MCOLN2: variants seen among roughly 807,000 people sequenced by gnomAD.
MCOLN2 encodes the protein mucolipin-2.
A neutral mutation model predicts 67.5 loss-of-function variants in MCOLN2; 57 were observed. That is an observed-to-expected ratio of 0.84 (90% CI 0.68 to 1.05). The LOEUF (loss-of-function observed/expected upper bound fraction) is 1.05. Among genes scored for constraint, MCOLN2 ranks in the 50% least tolerant of loss-of-function variants. The pLI is 0.00. For synonymous variants in MCOLN2, 246 were observed against 233.3 expected, an observed-to-expected ratio of 1.05 and a Z score of -0.50; for missense variants, 620 against 678.8, an observed-to-expected ratio of 0.91 and a Z score of 0.96.
chr1:84,956,846 C>T (rs1026589973), intron 3 of MCOLN2, among the ~76,000 whole-genome samples: 2 of 152,202 alleles, frequency 1.3e-5, no homozygotes, highest in Non-Finnish European at 2.9e-5. Flanking sequence ...ATCTCTAGGA[C>T]CTCATCTACT....
At chr1:84,961,334 A>T (rs552891553) in intron 2 of MCOLN2, among the ~76,000 whole-genome samples, 15 of 151,758 alleles carry the variant, frequency 9.9e-5, no homozygotes, top group African/African-American at 3.4e-4. Context: ...CTAAAGAAAT[A>T]AAAAAAAATG....
rs935536082 is a variant in MCOLN2, at chr1:84,931,374, A to G, written c.1530T>C (p.Tyr510=). Residue 510 remains tyrosine, a synonymous_variant, in exon 12 of 14, where the codon TAT becomes TAC. Transcript: ENST00000370608. The part of the protein sequence containing the change: ...SLFIALITDS[Y]DTIKKFQQNG... Reference sequence around the variant, plus strand: ...GATAATTACTTACCTTAATGGTGTCATAAGAATCTGTAATAAGTGCAATAA... The same window carrying G: ...GATAATTACTTACCTTAATGGTGTCGTAAGAATCTGTAATAAGTGCAATAA... 20 of 1,561,400 alleles carry G rather than the reference A, an allele frequency of 1.3e-5. No homozygotes were observed. The highest frequency in any genetic ancestry group is 1.7e-5 in the Non-Finnish European group (19 of 1,132,930).
At chr1:84,953,303 G>T (rs572670580) in intron 4 of MCOLN2, among the ~76,000 whole-genome samples, 1 of 152,058 alleles carries the variant, frequency 6.6e-6, no homozygotes, top group African/African-American at 2.4e-5. Context: ...TGTAATCCCC[G>T]CTCTTTAGGA....
In MCOLN2 at chr1:84,947,121, G is replaced by A; in HGVS notation, c.759C>T (p.Asp253=). ...TGATTTTGCCACTGTGAGCTTTATT[G>A]TCAAAGATAATCTGGAGACACAAAT... ...CYVFQNTIIF[D]NKAHSGKIKI... Residue 253 remains aspartate, a synonymous_variant, in exon 7 of 14, where the codon GAC becomes GAT. Transcript: ENST00000370608. 1 of 1,553,642 alleles carries A rather than the reference G, an allele frequency of 6.4e-7. No homozygotes were observed. The highest frequency in any genetic ancestry group is 8.9e-7 in the Non-Finnish European group (1 of 1,126,238).
At chr1:84,972,739 A>G (rs1236538272) in intron 1 of MCOLN2, among the ~76,000 whole-genome samples, 3 of 152,244 alleles carry the variant, frequency 2.0e-5, no homozygotes, top group Admixed American at 6.5e-5. Flanking sequence ...CAGCTTTATC[A>G]AAACAATGAC....
intron 1 of MCOLN2, among the ~76,000 whole-genome samples, chr1:84,966,869 A>G (rs1649407696): frequency 6.6e-6 from 1 of 152,136 alleles, no homozygotes; most frequent in Non-Finnish European, 1.5e-5. Context: ...TAGTATTTCT[A>G]TTTTATTATT....
intron 1 of MCOLN2, among the ~76,000 whole-genome samples, chr1:84,975,050 T>C (rs1334405475): frequency 6.6e-6 from 1 of 152,118 alleles, no homozygotes; most frequent in African/African-American, 2.4e-5. Flanking sequence ...CTTCTAAGGT[T>C]TTTTATTGTA....
intron 2 of MCOLN2, among the ~76,000 whole-genome samples, 183 bp from the exon 3 acceptor site, chr1:84,958,885 A>T (rs1648934581): frequency 6.6e-6 from 1 of 152,202 alleles, no homozygotes. Context: ...TCATCAAGCT[A>T]CATCAGCAAT....
intron 9 of MCOLN2, among the ~76,000 whole-genome samples, 188 bp downstream of exon 9, chr1:84,939,365 C>T (rs1309345930): frequency 1.3e-5 from 2 of 152,144 alleles, no homozygotes; most frequent in East Asian, 1.9e-4. Context: ...TGCCAAGTTT[C>T]GTTCCATGGA....
intron 9 of MCOLN2, 38 bp downstream of exon 9, chr1:84,939,515 A>G: frequency 6.2e-7 from 1 of 1,602,530 alleles, no homozygotes; most frequent in Non-Finnish European, 8.5e-7. Flanking sequence ...CATCCAGGAG[A>G]AGATGAAGAA....
chr1:84,973,955 C>T (rs1350368727), intron 1 of MCOLN2, among the ~76,000 whole-genome samples: 5 of 152,188 alleles, frequency 3.3e-5, no homozygotes, highest in Non-Finnish European at 5.9e-5. Context: ...CAGCAGTGGC[C>T]ACCTGGTGCG....
intron 7 of MCOLN2, among the ~76,000 whole-genome samples, chr1:84,941,369 C>A (rs678065): frequency 0.073 from 11,081 of 152,038 alleles, 1,158 homozygotes; most frequent in African/African-American, 0.22. Flanking sequence ...TGGTGGCAGG[C>A]GCCTGTAGTC....
intron 7 of MCOLN2, among the ~76,000 whole-genome samples, chr1:84,945,488 C>G (rs962789438): frequency 6.6e-6 from 1 of 152,120 alleles, no homozygotes; most frequent in Non-Finnish European, 1.5e-5. Context: ...AAACTTCAAT[C>G]GTCAGGACAT....
intron 9 of MCOLN2, among the ~76,000 whole-genome samples, chr1:84,939,238 C>T (rs1399638777): frequency 2.6e-5 from 4 of 152,186 alleles, no homozygotes; most frequent in Non-Finnish European, 5.9e-5. Context: ...AAGCTCTTGA[C>T]ATGCAGGTTC....
At chr1:84,993,896 C>G (rs1442802671) in intron 1 of MCOLN2, among the ~76,000 whole-genome samples, 1 of 151,992 alleles carries the variant, frequency 6.6e-6, no homozygotes, top group African/African-American at 2.4e-5. Flanking sequence ...TCCCAAAGTG[C>G]TGGGATTACA....
chr1:84,965,985 G>A (rs1649362035), intron 1 of MCOLN2, among the ~76,000 whole-genome samples: 1 of 152,142 alleles, frequency 6.6e-6, no homozygotes, highest in African/African-American at 2.4e-5. Context: ...AGACGTGGTG[G>A]CTCACACCTG....
chr1:84,938,823 G>A (rs1224282646), intron 9 of MCOLN2, among the ~76,000 whole-genome samples: 1 of 152,204 alleles, frequency 6.6e-6, no homozygotes, highest in Non-Finnish European at 1.5e-5. Flanking sequence ...TCATCCCAAA[G>A]TAGGCCCCAA....
In MCOLN2 at chr1:84,951,473, GC is replaced by G. The variant is rs149433714; in HGVS notation, c.747+769del. Among the ~76,000 whole-genome samples the G allele has an allele frequency of 5.1e-3, 783 of 152,246 alleles. 4 individuals carry two copies. The highest frequency in any genetic ancestry group is 0.015 in the African/African-American group (641 of 41,562). On this transcript the variant is annotated intron_variant, in intron 6 of 13. Transcript: ENST00000370608. ...GTGAACTGTCTCTTCTACTATACAT[GC>G]CCCCTCCCAAAATAAAAAGAGAAAC...
chr1:84,988,131 T>C (rs1650711517), intron 1 of MCOLN2, among the ~76,000 whole-genome samples: 1 of 152,198 alleles, frequency 6.6e-6, no homozygotes, highest in Non-Finnish European at 1.5e-5. Flanking sequence ...GAATCCTTAG[T>C]GCAATCAGTG....
Sources: gnomAD v4.1 joint callset for allele counts (sites outside exome capture counted in the v4.1 genomes callset) on GRCh38, gnomAD v4.1.1 for gene constraint, MANE v1.5 for transcripts, NCBI Gene and HGNC (gene_info 2026-07-23, HGNC 2026-07-21) for gene names.